The following BBX variants were observed in gnomAD, a reference collection of about 807,000 sequenced individuals.
BBX encodes HMG box transcription factor BBX.
In BBX, 30 loss-of-function variants were observed where a neutral mutation model predicts 100.2. The observed-to-expected ratio is 0.30, with a 90% CI of 0.22 to 0.41. The LOEUF (loss-of-function observed/expected upper bound fraction) is 0.41, where lower values mean the gene tolerates loss of function less well. BBX is among the 10% of genes least tolerant of loss of function. The probability of loss-of-function intolerance (pLI) is 1.00; values close to 1 mark genes in which losing one functional copy is unlikely to be tolerated. For synonymous variants in BBX, 376 were observed against 388.1 expected (o/e 0.97, Z 0.37); for missense variants, 1,023 against 1,129.8 (o/e 0.91, Z 1.35).
At chr3:107,525,517 C>G (rs574746458) in intron 1 of BBX, 1 of 152,496 alleles carries the variant, frequency 6.6e-6, no homozygotes, top group Admixed American at 6.5e-5. Flanking sequence ...TTTTCTTCCC[C>G]CCTCTTTCCC....
intron 2 of BBX, among the ~76,000 whole-genome samples, chr3:107,574,240 C>T (rs556619793): frequency 9.2e-5 from 14 of 152,124 alleles, no homozygotes; most frequent in Admixed American, 3.9e-4. Flanking sequence ...ATTTTATAAA[C>T]GAGAAATTTG....
intron 3 of BBX, among the ~76,000 whole-genome samples, chr3:107,655,704 A>ATT (rs1271491849): frequency 1.4e-5 from 2 of 142,760 alleles, no homozygotes; most frequent in Non-Finnish European, 1.6e-5. Context: ...AATTTATTTT[A>ATT]TTTTTTTTTT....
chr3:107,693,642 G>A lies in BBX; in HGVS notation c.-9-16810G>A, dbSNP rs574249101. Among the ~76,000 whole-genome samples the A allele has an allele frequency of 9.2e-4, 139 of 151,778 alleles. 1 individual carries two copies. The highest frequency in any genetic ancestry group is 1.4e-3 in the Admixed American group (21 of 15,256). ...TGAAGTCAGGTAGTGTGATGCCTCC[G>A]GCTTTGTTCTTTTGGCTCAGGATTG... On this transcript the variant is annotated intron_variant, in intron 3 of 17. Coordinates refer to ENST00000325805, the MANE Select transcript of BBX (RefSeq NM_001142568.3).
At chr3:107,784,782 C>T (rs945311377) in intron 13 of BBX, among the ~76,000 whole-genome samples, 1 of 151,120 alleles carries the variant, frequency 6.6e-6, no homozygotes, top group African/African-American at 2.4e-5. Context: ...TCAAAGGAAG[C>T]AGAAGAAAGG....
chr3:107,584,640 G>A (rs1034739506), intron 2 of BBX, among the ~76,000 whole-genome samples: 6 of 141,416 alleles, frequency 4.2e-5, no homozygotes, highest in Middle Eastern at 3.6e-3. Flanking sequence ...GGTGGGGAAG[G>A]CTTCTTTAAA....
At chr3:107,743,918 G>GTTTTTTTTTTTTTTTTTTTTTTTTA (rs2064329710) in intron 7 of BBX, among the ~76,000 whole-genome samples, 3 of 56,622 alleles carry the variant, frequency 5.3e-5, no homozygotes, top group African/African-American at 1.4e-4. Context: ...TGTTTTAGTG[G>GTTTTTTTTTTTTTTTTTTTTTTTTA]TTTTTTTTTT....
chr3:107,628,069 C>A (rs1185882000), intron 2 of BBX, among the ~76,000 whole-genome samples: 1 of 151,896 alleles, frequency 6.6e-6, no homozygotes, highest in East Asian at 1.9e-4. Context: ...AGGAATAAAA[C>A]AAGTTCATAA....
chr3:107,731,913 T>C (rs2063340548), intron 6 of BBX, among the ~76,000 whole-genome samples: 1 of 152,228 alleles, frequency 6.6e-6, no homozygotes, highest in Non-Finnish European at 1.5e-5. Flanking sequence ...GAGGACCTTA[T>C]ATGTACTAGG....
intron 2 of BBX, among the ~76,000 whole-genome samples, chr3:107,615,601 G>T (rs2055192846): frequency 1.3e-5 from 2 of 151,980 alleles, no homozygotes; most frequent in Non-Finnish European, 2.9e-5. Context: ...ATAACCTTGG[G>T]GCCTAGGTTT....
chr3:107,584,934 G>A (rs1022519820), intron 2 of BBX, among the ~76,000 whole-genome samples: 4 of 151,946 alleles, frequency 2.6e-5, no homozygotes, highest in East Asian at 1.9e-4. Flanking sequence ...TGCCCACCTC[G>A]TCCTCCCAAA....
chr3:107,554,455 G>A (rs971699082), intron 2 of BBX, among the ~76,000 whole-genome samples: 3 of 152,156 alleles, frequency 2.0e-5, no homozygotes, highest in South Asian at 4.2e-4. Flanking sequence ...TGATTCCTTG[G>A]TTTAAGATTT....
At chr3:107,633,583 T>G (rs1287461983) in intron 2 of BBX, among the ~76,000 whole-genome samples, 1 of 152,222 alleles carries the variant, frequency 6.6e-6, no homozygotes, top group Non-Finnish European at 1.5e-5. Flanking sequence ...TTTCTTTTGT[T>G]TTTTGAAAGA....
At chr3:107,778,669 G>T in intron 13 of BBX, 150 bp downstream of exon 13, 1 of 900,766 alleles carries the variant, frequency 1.1e-6, no homozygotes, top group Non-Finnish European at 1.7e-6. Flanking sequence ...GATTATCTTT[G>T]TCCCTTTTTT....
chr3:107,594,929 T>A (rs2053577936), intron 2 of BBX, among the ~76,000 whole-genome samples: 1 of 152,126 alleles, frequency 6.6e-6, no homozygotes, highest in Admixed American at 6.5e-5. Flanking sequence ...TTAAATAATT[T>A]GCTCACAGTT....
chr3:107,810,430 T>A lies in BBX; in HGVS notation c.*4973T>A, dbSNP rs1233232863. 1.3e-5 allele frequency: 2 copies of A among 152,350 alleles called. No homozygotes were observed. Among genetic ancestry groups the A allele is most frequent in the South Asian group, 2.1e-4 (1 of 4,834 alleles). The allele number at this position is 152,350 out of a possible 1,614,324, so 9.4% of individuals were successfully genotyped here. On this transcript the variant is annotated 3_prime_UTR_variant, in exon 18 of 18. Transcript: ENST00000325805. ...ACTGCTCCCTCCAAAGATTTCCTGATAACTTGGGCCAGAGGTGGTTACTGA... is the reference window on the plus strand; with the variant it reads ...ACTGCTCCCTCCAAAGATTTCCTGAAAACTTGGGCCAGAGGTGGTTACTGA...
At chr3:107,679,141 TAAAA>T (rs35708083) in intron 3 of BBX, among the ~76,000 whole-genome samples, 69 of 143,928 alleles carry the variant, frequency 4.8e-4, no homozygotes, top group Admixed American at 9.1e-4. Flanking sequence ...AGGGCTTCAT[TAAAA>T]AAAAAAAAAG....
chr3:107,724,003 A>T (rs142000479), intron 5 of BBX, among the ~76,000 whole-genome samples: 3,922 of 152,148 alleles, frequency 0.026, 168 homozygotes, highest in African/African-American at 0.084. Flanking sequence ...TCCACAATGG[A>T]TGAACTAGTT....
chr3:107,797,315 TCTTA>T (rs796193220), intron 15 of BBX, among the ~76,000 whole-genome samples: 75 of 130,916 alleles, frequency 5.7e-4, no homozygotes, highest in African/African-American at 2.0e-3. Flanking sequence ...TTTTTTTTCC[TCTTA>T]GTTTAGCTTT....
intron 7 of BBX, among the ~76,000 whole-genome samples, chr3:107,734,591 A>G (rs1336311339): frequency 1.3e-5 from 2 of 152,216 alleles, no homozygotes; most frequent in African/African-American, 4.8e-5. Context: ...TCCCAAGAAT[A>G]CATTGAATTG....
Sources: allele counts gnomAD v4.1 joint callset (sites outside exome capture counted in the v4.1 genomes callset), GRCh38; gene constraint gnomAD v4.1.1; transcripts MANE v1.5; gene names NCBI Gene and HGNC (gene_info 2026-07-23, HGNC 2026-07-21).